RGS7: variants seen among roughly 807,000 people sequenced by gnomAD.
RGS7 encodes regulator of G-protein signaling 7.
A neutral mutation model predicts 81.1 loss-of-function variants in RGS7; 27 were observed. The ratio of observed to expected loss-of-function variants is 0.33; its 90% CI spans 0.25 to 0.46. The LOEUF (loss-of-function observed/expected upper bound fraction) is 0.46, where lower values mean the gene tolerates loss of function less well. RGS7 is among the 20% of genes least tolerant of loss of function. RGS7 has a pLI of 1.00. For synonymous variants in RGS7, 208 were observed against 207.7 expected (o/e 1.00, Z -0.01); for missense variants, 396 against 607.4 (o/e 0.65, Z 3.66).
In RGS7 at chr1:241,068,224, T is replaced by TTGTGTGTGTGTGTGTGTGTGTGTGTG. The variant is rs71568983; in HGVS notation, c.175+30441_175+30442insCACACACACACACACACACACACACA. 2.6e-3 allele frequency among the ~76,000 whole-genome samples: 147 copies of TTGTGTGTGTGTGTGTGTGTGTGTGTG among 55,784 alleles called. 19 individuals are homozygous for TTGTGTGTGTGTGTGTGTGTGTGTGTG. The highest frequency in any genetic ancestry group is 6.7e-3 in the East Asian group (6 of 902). 36.6% of individuals were successfully genotyped at this position (55,784 alleles called of 152,430 possible). The stretch of plus-strand genomic sequence containing the variant: ...TTTGCTTTTGGGTTCTATCCATAAA[T>TTGTGTGTGTGTGTGTGTGTGTGTGTG]TGTGTGTGTGTGTGTATATATATAT... On this transcript the variant is annotated intron_variant, in intron 3 of 18. Transcript: ENST00000440928.
chr1:241,233,130 T>C (rs574762481), intron 2 of RGS7, among the ~76,000 whole-genome samples: 1 of 152,338 alleles, frequency 6.6e-6, no homozygotes, highest in East Asian at 1.9e-4. Flanking sequence ...TAAAAATTGA[T>C]ACATGTTAGA....
intron 3 of RGS7, among the ~76,000 whole-genome samples, chr1:241,070,536 T>C (rs2062375026): frequency 1.3e-5 from 2 of 152,188 alleles, no homozygotes; most frequent in South Asian, 4.1e-4. Flanking sequence ...GTTGTGGAAA[T>C]GTTGCATTCC....
chr1:241,217,385 G>T (rs1268747590), intron 2 of RGS7, among the ~76,000 whole-genome samples: 1 of 152,156 alleles, frequency 6.6e-6, no homozygotes, highest in African/African-American at 2.4e-5. Context: ...TGCTGTGGCA[G>T]CTGAGCAGAC....
At chr1:240,883,097 T>C (rs1018290268) in intron 6 of RGS7, among the ~76,000 whole-genome samples, 6 of 151,602 alleles carry the variant, frequency 4.0e-5, no homozygotes, top group African/African-American at 1.5e-4. Context: ...CTGCATAGTA[T>C]TCCATGGTGT....
At chr1:240,902,227 C>A (rs1441898725) in intron 6 of RGS7, among the ~76,000 whole-genome samples, 1 of 152,044 alleles carries the variant, frequency 6.6e-6, no homozygotes, top group Non-Finnish European at 1.5e-5. Context: ...TTTTTGTAAA[C>A]AATTGGTTGA....
intron 6 of RGS7, among the ~76,000 whole-genome samples, chr1:240,909,531 A>G (rs1344482150): frequency 6.6e-6 from 1 of 152,210 alleles, no homozygotes; most frequent in Admixed American, 6.5e-5. Flanking sequence ...TAAATGTGTC[A>G]TAACAAGATG....
chr1:241,031,532 T>C (rs1262446851), intron 3 of RGS7, among the ~76,000 whole-genome samples: 2 of 152,204 alleles, frequency 1.3e-5, no homozygotes, highest in Non-Finnish European at 2.9e-5. Context: ...TTTTATTTTT[T>C]AGTACTTTGA....
intron 3 of RGS7, among the ~76,000 whole-genome samples, chr1:241,096,260 G>T (rs756388577): frequency 9.5e-4 from 144 of 152,136 alleles, no homozygotes; most frequent in Non-Finnish European, 1.7e-3. Context: ...GGCCACAAAA[G>T]AATAGAGGAA....
intron 2 of RGS7, among the ~76,000 whole-genome samples, chr1:241,258,155 T>C (rs985257548): frequency 6.6e-6 from 1 of 152,142 alleles, no homozygotes; most frequent in African/African-American, 2.4e-5. Context: ...ATCACATTCA[T>C]TTAGATTTAT....
At chr1:241,353,517 T>G (rs185274902) in intron 2 of RGS7, among the ~76,000 whole-genome samples, 47 of 152,272 alleles carry the variant, frequency 3.1e-4, no homozygotes, top group African/African-American at 1.1e-3. Flanking sequence ...AAAAAACATA[T>G]GCTCAGAGAA....
chr1:241,016,189 A>T (rs760732246), intron 3 of RGS7, among the ~76,000 whole-genome samples: 1 of 152,178 alleles, frequency 6.6e-6, no homozygotes, highest in Non-Finnish European at 1.5e-5. Flanking sequence ...CCTGCCTCAC[A>T]CCAAACCAGG....
chr1:241,069,092 C>T (rs886208874), intron 3 of RGS7, among the ~76,000 whole-genome samples: 3 of 152,110 alleles, frequency 2.0e-5, no homozygotes, highest in African/African-American at 4.8e-5. Flanking sequence ...CCTGCAGAAC[C>T]GTGAGCCAAT....
chr1:240,933,171 C>A (rs140049487), intron 5 of RGS7, among the ~76,000 whole-genome samples: 3 of 150,884 alleles, frequency 2.0e-5, no homozygotes, highest in African/African-American at 4.9e-5. Context: ...TGTGAGCCAC[C>A]GCGCCCGGCC....
chr1:241,254,677 T>A (rs1411763936), intron 2 of RGS7, among the ~76,000 whole-genome samples: 1 of 152,210 alleles, frequency 6.6e-6, no homozygotes, highest in East Asian at 1.9e-4. Flanking sequence ...TAGAAAGATT[T>A]TTTTTGAGGT....
At chr1:241,243,418 A>T (rs886379930) in intron 2 of RGS7, among the ~76,000 whole-genome samples, 2 of 152,222 alleles carry the variant, frequency 1.3e-5, no homozygotes, top group African/African-American at 4.8e-5. Context: ...GAAATAGAAG[A>T]ATGAAAGCAA....
chr1:241,131,702 C>T (rs1447987636), intron 2 of RGS7, among the ~76,000 whole-genome samples: 1 of 152,254 alleles, frequency 6.6e-6, no homozygotes. Context: ...GTCCTCTTTC[C>T]TTTTTACTAT....
chr1:241,356,229 G>A (rs1033943525), intron 1 of RGS7, among the ~76,000 whole-genome samples: 1 of 152,024 alleles, frequency 6.6e-6, no homozygotes, highest in African/African-American at 2.4e-5. Context: ...ATGCGGTGGG[G>A]GAGTGGGGGG....
At chr1:240,863,302 C>T (rs1034390175) in intron 9 of RGS7, among the ~76,000 whole-genome samples, 4 of 152,040 alleles carry the variant, frequency 2.6e-5, no homozygotes, top group Non-Finnish European at 4.4e-5. Context: ...GGTGAAACCC[C>T]GTCTCTACTA....
intron 18 of RGS7, among the ~76,000 whole-genome samples, chr1:240,793,636 G>A (rs1221911568): frequency 3.2e-5 from 3 of 93,790 alleles, no homozygotes; most frequent in Admixed American, 2.1e-4. Flanking sequence ...TTGAGACAGA[G>A]TCTTGCACTG....
Sources: allele counts gnomAD v4.1 joint callset (sites outside exome capture counted in the v4.1 genomes callset), GRCh38; gene constraint gnomAD v4.1.1; transcripts MANE v1.5; gene names NCBI Gene and HGNC (gene_info 2026-07-23, HGNC 2026-07-21).